Variants in ATP9A observed in about 807,000 individuals in gnomAD.
ATP9A encodes probable phospholipid-transporting ATPase IIA.
A neutral mutation model predicts 144.1 loss-of-function variants in ATP9A; 52 were observed. That is an observed-to-expected ratio of 0.36 (90% CI 0.29 to 0.45). The LOEUF (loss-of-function observed/expected upper bound fraction) is 0.45. Among genes scored for constraint, ATP9A ranks in the 20% least tolerant of loss-of-function variants. The pLI, the probability that ATP9A is intolerant of heterozygous loss-of-function variation, is 1.00. For synonymous variants in ATP9A, 582 were observed against 557.4 expected (o/e 1.04, Z -0.62); for missense variants, 947 against 1,392.7 (o/e 0.68, Z 5.09).
At chr20:51,696,930 A>C (rs2077572926) in intron 5 of ATP9A, among the ~76,000 whole-genome samples, 1 of 152,206 alleles carries the variant, frequency 6.6e-6, no homozygotes, top group South Asian at 2.1e-4. Flanking sequence ...AAACATACTG[A>C]CACGGCTATT....
chr20:51,715,122 T>C (rs1271095978), intron 3 of ATP9A, among the ~76,000 whole-genome samples: 2 of 152,252 alleles, frequency 1.3e-5, no homozygotes, highest in Admixed American at 6.5e-5. Flanking sequence ...GTTGTGGTTC[T>C]TGGAGAATTT....
chr20:51,640,293 T>C (rs1221050235), intron 14 of ATP9A, among the ~76,000 whole-genome samples: 1 of 152,200 alleles, frequency 6.6e-6, no homozygotes, highest in Non-Finnish European at 1.5e-5. Context: ...TGGGTGATTC[T>C]GTCCCCCAGG....
At chr20:51,762,826 C>T (rs1392270013) in intron 1 of ATP9A, among the ~76,000 whole-genome samples, 1 of 150,578 alleles carries the variant, frequency 6.6e-6, no homozygotes. Flanking sequence ...CCTCCTACCT[C>T]AGCCTCCCAA....
intron 7 of ATP9A, among the ~76,000 whole-genome samples, chr20:51,691,563 C>A (rs932038061): frequency 2.0e-5 from 3 of 152,154 alleles, no homozygotes; most frequent in Non-Finnish European, 2.9e-5. Context: ...AGAACGCCTC[C>A]CACCCGTAAG....
intron 13 of ATP9A, among the ~76,000 whole-genome samples, chr20:51,660,057 G>A (rs563099546): frequency 1.3e-5 from 2 of 152,298 alleles, no homozygotes; most frequent in African/African-American, 4.8e-5. Context: ...GTTCTCTATT[G>A]GAGAGACTAA....
At chr20:51,756,233 C>T (rs993887373) in intron 1 of ATP9A, among the ~76,000 whole-genome samples, 2 of 151,954 alleles carry the variant, frequency 1.3e-5, no homozygotes, top group Non-Finnish European at 2.9e-5. Flanking sequence ...AGACAGCCAC[C>T]TTCCCCCTGT....
chr20:51,670,154 TTTG>T, intron 12 of ATP9A, 45 bp from the exon 13 acceptor site: 1 of 1,449,966 alleles, frequency 6.9e-7, no homozygotes. Context: ...TCTCAGGATG[TTTG>T]TTATTATTAA....
At chr20:51,731,033 C>T (rs1451982003) in intron 1 of ATP9A, among the ~76,000 whole-genome samples, 1 of 151,552 alleles carries the variant, frequency 6.6e-6, no homozygotes, top group East Asian at 1.9e-4. Context: ...TAGCCAGGCA[C>T]GGTGGCTCAT....
At chr20:51,719,749 G>GAAAAAAAA (rs1343871320) in intron 3 of ATP9A, among the ~76,000 whole-genome samples, 1 of 128,580 alleles carries the variant, frequency 7.8e-6, no homozygotes, top group Non-Finnish European at 1.6e-5. Flanking sequence ...AAAAAAAGGG[G>GAAAAAAAA]GGGGAAGAAG....
At chr20:51,674,667 C>T (rs2077469865) in intron 10 of ATP9A, among the ~76,000 whole-genome samples, 1 of 152,158 alleles carries the variant, frequency 6.6e-6, no homozygotes, top group Non-Finnish European at 1.5e-5. Context: ...GCTGAATAGC[C>T]TCCACCACCC....
In ATP9A at chr20:51,738,029, A is replaced by AT. The variant is rs11321391; in HGVS notation, c.69-8052dup. Among the ~76,000 whole-genome samples, 974 of 137,834 alleles carry AT rather than the reference A, an allele frequency of 7.1e-3. 2 individuals carry two copies. Among genetic ancestry groups the AT allele is most frequent in the East Asian group, 0.02 (94 of 4,710 alleles). The allele number at this position is 137,834 out of a possible 152,430, so 90.4% of individuals were successfully genotyped here. A position where few individuals can be genotyped will look rare whatever the true frequency, so the allele number is the denominator to read the frequency against. On this transcript the variant is annotated intron_variant, in intron 1 of 27. Coordinates refer to ENST00000338821, the MANE Select transcript of ATP9A (RefSeq NM_006045.3). ...CATAGCAAGACTCAGCCTCTAAAAC[A>AT]TTTTTTTTTTTTTTTTTGAGACAGA...
At chr20:51,688,969 A>G in intron 9 of ATP9A, 95 bp downstream of exon 9, 1 of 1,322,216 alleles carries the variant, frequency 7.6e-7, no homozygotes, top group African/African-American at 1.5e-5. Context: ...TTGACCGAGC[A>G]CTCATTTTTC....
At chr20:51,637,645 G>A (rs912531738) in intron 15 of ATP9A, among the ~76,000 whole-genome samples, 1 of 151,956 alleles carries the variant, frequency 6.6e-6, no homozygotes, top group Non-Finnish European at 1.5e-5. Flanking sequence ...CAGGGGGCAG[G>A]GCCATGTGCC....
At chr20:51,739,481 A>G (rs2077776120) in intron 1 of ATP9A, among the ~76,000 whole-genome samples, 3 of 151,318 alleles carry the variant, frequency 2.0e-5, no homozygotes, top group South Asian at 4.2e-4. Context: ...CCTCCCGAGT[A>G]GCTGGGACTA....
At position 51,601,196 on chromosome 20, in the gene ATP9A, C is replaced by T; in HGVS notation, c.*15G>A. ...GAAGCGCCAAGACCAGGGCCCCCTCCAGCGAACGCACGGCCTATGATGTGA... is the reference window on the plus strand; with the variant it reads ...GAAGCGCCAAGACCAGGGCCCCCTCTAGCGAACGCACGGCCTATGATGTGA... On this transcript the variant is annotated 3_prime_UTR_variant, in exon 28 of 28. Transcript: ENST00000338821. The T allele has an allele frequency of 1.9e-6, 3 of 1,587,584 alleles. No homozygotes were observed. Among genetic ancestry groups the T allele is most frequent in the Non-Finnish European group, 2.6e-6 (3 of 1,166,478 alleles).
chr20:51,671,013 C>A (rs561766766), intron 12 of ATP9A, 102 bp downstream of exon 12: 3 of 1,280,706 alleles, frequency 2.3e-6, no homozygotes, highest in Non-Finnish European at 3.3e-6. Context: ...AGCAGCAACA[C>A]GCATCTCTCA....
chr20:51,717,531 A>G (rs114969181), intron 3 of ATP9A, among the ~76,000 whole-genome samples: 201 of 152,322 alleles, frequency 1.3e-3, no homozygotes, highest in African/African-American at 4.6e-3. Context: ...TGGAGGTGCC[A>G]AAACCTAGAA....
chr20:51,622,713 G>C (rs2077231897), intron 18 of ATP9A, among the ~76,000 whole-genome samples: 2 of 152,146 alleles, frequency 1.3e-5, no homozygotes, highest in African/African-American at 2.4e-5. Flanking sequence ...GGCTCAGAGA[G>C]GGTAGATGAC....
chr20:51,724,892 G>A (rs1054686631), intron 3 of ATP9A, among the ~76,000 whole-genome samples: 2 of 152,182 alleles, frequency 1.3e-5, no homozygotes, highest in African/African-American at 4.8e-5. Context: ...GTGATCCCAG[G>A]AAACAATTCA....
Sources: allele counts gnomAD v4.1 joint callset (sites outside exome capture counted in the v4.1 genomes callset), GRCh38; gene constraint gnomAD v4.1.1; transcripts MANE v1.5; gene names NCBI Gene and HGNC (gene_info 2026-07-23, HGNC 2026-07-21).